Variants in ECT2 observed in about 807,000 individuals in gnomAD.
ECT2 encodes epithelial cell transforming 2, also known as protein ECT2.
A neutral mutation model predicts 116.9 loss-of-function variants in ECT2; 61 were observed. The observed-to-expected ratio is 0.52, with a 90% CI of 0.42 to 0.65. The LOEUF is 0.65. Ranked by LOEUF, ECT2 falls within the 30% of genes least tolerant of loss-of-function variation. The pLI is 0.00. For missense variants in ECT2, 937 were observed against 1,078.7 expected (o/e 0.87, Z 1.84); for synonymous variants, 358 against 346.4 (o/e 1.03, Z -0.37).
chr3:172,757,983 A>G (rs756294775), intron 5 of ECT2, among the ~76,000 whole-genome samples: 15 of 151,660 alleles, frequency 9.9e-5, no homozygotes, highest in Middle Eastern at 3.4e-3. Context: ...TCAGCCTCTC[A>G]AGTAGCTGGG....
chr3:172,816,904 C>A (rs1392794380), intron 24 of ECT2, 67 bp downstream of exon 24: 8 of 1,276,120 alleles, frequency 6.3e-6, no homozygotes, highest in East Asian at 2.6e-5. Flanking sequence ...TTGTTAACTT[C>A]TAAAAATTGG....
At chr3:172,786,947 T>C (rs1293006288) in intron 18 of ECT2, among the ~76,000 whole-genome samples, 3 of 152,244 alleles carry the variant, frequency 2.0e-5, no homozygotes, top group Admixed American at 1.3e-4. Context: ...AGGTTTATAA[T>C]ACTTTTTCAC....
intron 14 of ECT2, among the ~76,000 whole-genome samples, chr3:172,780,310 A>G (rs1014914270): frequency 1.3e-5 from 2 of 152,104 alleles, no homozygotes; most frequent in African/African-American, 4.8e-5. Context: ...ATAATATTCC[A>G]TTATATGGCT....
At chr3:172,799,086 G>T (rs1035210339) in intron 18 of ECT2, among the ~76,000 whole-genome samples, 1 of 152,084 alleles carries the variant, frequency 6.6e-6, no homozygotes, top group African/African-American at 2.4e-5. Context: ...CTAATAAAAA[G>T]CTGTAATACA....
Position 172,759,031 on chromosome 3 carries a change from G to A in ECT2, c.538G>A (p.Val180Ile), listed in dbSNP as rs1717673048. ...PLYCTSMMNL[V>I]LCFTGFRKKE... ...GTATTGTACAAGTATGATGAATCTAGTACTATGCTTTACTGGATTTAGGAA... is the reference window on the plus strand; with the variant it reads ...GTATTGTACAAGTATGATGAATCTAATACTATGCTTTACTGGATTTAGGAA... The change falls in exon 6 of 25, where the codon GTA becomes ATA. Residue 180 changes from valine to isoleucine, a missense_variant. Coordinates refer to ENST00000392692, the MANE Select transcript of ECT2 (RefSeq NM_001258315.2). 1.2e-6 allele frequency: 2 copies of A among 1,610,118 alleles called. No homozygotes were observed. The highest frequency in any genetic ancestry group is 1.7e-6 in the Non-Finnish European group (2 of 1,178,956).
intron 22 of ECT2, among the ~76,000 whole-genome samples, chr3:172,812,059 A>G (rs1211421864): frequency 6.6e-6 from 1 of 150,378 alleles, no homozygotes; most frequent in Admixed American, 6.7e-5. Context: ...ATCTTGGCTC[A>G]CTACAACCTC....
intron 12 of ECT2, among the ~76,000 whole-genome samples, chr3:172,766,757 A>G (rs1411113889): frequency 6.6e-6 from 1 of 152,242 alleles, no homozygotes; most frequent in Non-Finnish European, 1.5e-5. Flanking sequence ...TCCAGTAAGC[A>G]TTTGGAAAAG....
At chr3:172,818,747 C>T (rs1303432346) in intron 24 of ECT2, 2 of 1,286,802 alleles carry the variant, frequency 1.6e-6, no homozygotes, top group Non-Finnish European at 1.0e-6. Flanking sequence ...TCCAAGTCAT[C>T]TTTGACATTT....
At position 172,754,510 on chromosome 3, in the gene ECT2, T is replaced by C; in HGVS notation, c.-21T>C. ...TTTATTCAAATTTTATTTTTTCAGC[T>C]GATTTAGAAGAATACAAATCATGGC... is the stretch of plus-strand genomic sequence containing the variant. On this transcript the variant is annotated splice_region_variant and 5_prime_UTR_variant, in exon 2 of 25. Transcript: ENST00000392692. 1 of 1,559,724 alleles carries C rather than the reference T, an allele frequency of 6.4e-7. No homozygotes were observed. The highest frequency in any genetic ancestry group is 8.6e-7 in the Non-Finnish European group (1 of 1,157,824).
At chr3:172,821,855 C>G (rs1447380712), downstream of ECT2, among the ~76,000 whole-genome samples, 1 of 151,730 alleles carries the variant, frequency 6.6e-6, no homozygotes, top group South Asian at 2.1e-4. Context: ...AATGTATTGA[C>G]TATACACTGG....
chr3:172,804,874 C>T (rs1174281851), intron 20 of ECT2, among the ~76,000 whole-genome samples: 1 of 138,338 alleles, frequency 7.2e-6, no homozygotes, highest in Non-Finnish European at 1.6e-5. Context: ...ATTTTCCCTA[C>T]CTTCTTGAAT....
chr3:172,803,743 CCTTTT>C (rs896715517), intron 20 of ECT2, among the ~76,000 whole-genome samples: 37 of 152,000 alleles, frequency 2.4e-4, no homozygotes, highest in Non-Finnish European at 3.7e-4. Context: ...TAAGGAGTTT[CCTTTT>C]CTTTTCTTTT....
intron 20 of ECT2, among the ~76,000 whole-genome samples, chr3:172,803,665 A>T: frequency 6.6e-6 from 1 of 152,216 alleles, no homozygotes; most frequent in Admixed American, 6.5e-5. Flanking sequence ...GATAAAACAG[A>T]CATTAATAAG....
intron 13 of ECT2, among the ~76,000 whole-genome samples, chr3:172,769,612 C>G (rs1463990330): frequency 6.6e-6 from 1 of 152,058 alleles, no homozygotes; most frequent in African/African-American, 2.4e-5. Flanking sequence ...TCATGTGACA[C>G]ATGAAATATG....
At chr3:172,828,996 G>A in the ECT2 span, 1 of 1,040,388 alleles carries the variant, frequency 9.6e-7, no homozygotes, top group Non-Finnish European at 1.5e-6. Context: ...TGTCCCAGGA[G>A]ACAACACTGG....
intron 8 of ECT2, among the ~76,000 whole-genome samples, 179 bp downstream of exon 8, chr3:172,761,862 AAG>A (rs1718369616): frequency 1.3e-5 from 2 of 152,126 alleles, no homozygotes; most frequent in Admixed American, 1.3e-4. Context: ...TAAAAATTGA[AAG>A]ATATCTTTGA....
chr3:172,776,198 C>CTTTTTTTTTTTTTTTT (rs60558773), intron 14 of ECT2, among the ~76,000 whole-genome samples: 5 of 111,600 alleles, frequency 4.5e-5, no homozygotes, highest in Non-Finnish European at 7.2e-5. Context: ...TCAGTTTTTT[C>CTTTTTTTTTTTTTTTT]TTTTTTTTTT....
intron 12 of ECT2, 77 bp downstream of exon 12, chr3:172,764,577 A>T: frequency 2.3e-6 from 3 of 1,288,614 alleles, no homozygotes; most frequent in Non-Finnish European, 3.3e-6. Context: ...TAAATCCCTG[A>T]TATAGTGAAT....
intron 1 of ECT2, among the ~76,000 whole-genome samples, chr3:172,752,694 A>G (rs1342924615): frequency 6.6e-6 from 1 of 152,222 alleles, no homozygotes; most frequent in African/African-American, 2.4e-5. Flanking sequence ...GATGTATGGT[A>G]AAGCCATAAG....
Sources: gnomAD v4.1 joint callset for allele counts (sites outside exome capture counted in the v4.1 genomes callset) on GRCh38, gnomAD v4.1.1 for gene constraint, MANE v1.5 for transcripts, NCBI Gene and HGNC (gene_info 2026-07-23, HGNC 2026-07-21) for gene names.